Variants in MCPH1 observed in about 807,000 individuals in gnomAD.
The protein encoded by MCPH1 is microcephalin 1, also known as microcephalin.
MCPH1 carries 104 observed loss-of-function variants against 84.5 expected under a neutral mutation model. The observed-to-expected ratio is 1.23, with a 90% CI of 1.05 to 1.45. The LOEUF is 1.45. Ranked by LOEUF, MCPH1 falls within the 40% of genes most tolerant of loss-of-function variation. The pLI is 0.00. For synonymous variants in MCPH1, 514 were observed against 366.8 expected, an observed-to-expected ratio of 1.40 and a Z score of -4.58; for missense variants, 1,498 against 1,005.7, an observed-to-expected ratio of 1.49 and a Z score of -6.62.
intron 12 of MCPH1, among the ~76,000 whole-genome samples, chr8:6,611,490 GAA>G (rs1448427720): frequency 6.6e-6 from 1 of 152,266 alleles, no homozygotes; most frequent in Non-Finnish European, 1.5e-5. Context: ...AACAGCCAGA[GAA>G]GAGATGCACA....
rs550963683 is a variant in MCPH1 at position 6,503,609 on chromosome 8, C to G, written c.2214+3680C>G. Among the ~76,000 whole-genome samples, 3 of 152,318 alleles carry G rather than the reference C, an allele frequency of 2.0e-5. No homozygotes were observed. In the South Asian group the frequency reaches 6.2e-4, roughly 32 times the overall value. ...ATCTGAGGCACAGTTGGAAAACTCT[C>G]CTTCAACCAGGATTACTTTGCAGTC... is the stretch of plus-strand genomic sequence containing the variant. On this transcript the variant is annotated intron_variant, in intron 12 of 13. Transcript: ENST00000344683.
At chr8:6,500,406 T>G (rs1811928145) in intron 12 of MCPH1, 1 of 157,250 alleles carries the variant, frequency 6.4e-6, no homozygotes, top group Admixed American at 6.2e-5. Flanking sequence ...GATTAAGTAA[T>G]AATTAAGTGG....
intron 3 of MCPH1, among the ~76,000 whole-genome samples, chr8:6,426,863 T>C (rs912441257): frequency 2.0e-5 from 3 of 152,218 alleles, no homozygotes; most frequent in Admixed American, 1.3e-4. Context: ...ATCTAATTCA[T>C]ATGCTACACA....
At chr8:6,527,318 T>C (rs1818515214) in intron 12 of MCPH1, among the ~76,000 whole-genome samples, 1 of 152,236 alleles carries the variant, frequency 6.6e-6, no homozygotes, top group Non-Finnish European at 1.5e-5. Flanking sequence ...AGGATTACTC[T>C]AAGAGGATCT....
At chr8:6,460,297 C>G (rs552191145) in intron 9 of MCPH1, among the ~76,000 whole-genome samples, 1 of 151,990 alleles carries the variant, frequency 6.6e-6, no homozygotes, top group Non-Finnish European at 1.5e-5. Context: ...ACCTTTGACT[C>G]TTTTTAAGTC....
intron 12 of MCPH1, among the ~76,000 whole-genome samples, chr8:6,597,315 G>A (rs989244431): frequency 2.6e-5 from 4 of 152,050 alleles, no homozygotes; most frequent in African/African-American, 2.4e-5. Context: ...AAGCCCCAGC[G>A]TTTCCCACCA....
intron 12 of MCPH1, among the ~76,000 whole-genome samples, chr8:6,561,859 A>C (rs535409987): frequency 1.1e-3 from 164 of 152,364 alleles, no homozygotes; most frequent in African/African-American, 3.8e-3. Flanking sequence ...ACTCTAGGAA[A>C]CAGTGGGATC....
intron 12 of MCPH1, among the ~76,000 whole-genome samples, chr8:6,525,542 A>G (rs1586364087): frequency 6.6e-6 from 1 of 152,350 alleles, no homozygotes; most frequent in South Asian, 2.1e-4. Flanking sequence ...AATCTATTCT[A>G]TAAAGAAAGC....
intron 13 of MCPH1, among the ~76,000 whole-genome samples, chr8:6,640,802 TA>T (rs1263822869): frequency 6.6e-6 from 1 of 152,250 alleles, no homozygotes; most frequent in Non-Finnish European, 1.5e-5. Context: ...TTTATAGTTT[TA>T]AAAAATATTT....
intron 12 of MCPH1, among the ~76,000 whole-genome samples, chr8:6,555,704 C>T (rs534027684): frequency 4.6e-5 from 7 of 152,082 alleles, no homozygotes; most frequent in Non-Finnish European, 1.0e-4. Flanking sequence ...CTCAAGCGAC[C>T]CACCCGCTTC....
In MCPH1 at chr8:6,477,594, C is replaced by A. The variant is rs778537115; in HGVS notation, c.1936C>A (p.Pro646Thr). The part of the protein sequence containing the change: ...ELKKSGRGKK[P>T]TRTLVMTSMP... Reference sequence around the variant, plus strand: ...GTTCCTTCTTGTTTGAAATCTCTAGCCAACAAGAACATTAGTCATGACAAG... The same window carrying A: ...GTTCCTTCTTGTTTGAAATCTCTAGACAACAAGAACATTAGTCATGACAAG... The change falls in exon 10 of 14, where the codon CCA (proline) becomes ACA (threonine). Residue 646 changes from proline to threonine, a missense_variant and splice_region_variant. By Grantham distance (38) the Pro-to-Thr change is conservative. Transcript: ENST00000344683. The A allele has an allele frequency of 1.9e-6, 3 of 1,612,388 alleles. No homozygotes were observed. The highest frequency in any genetic ancestry group is 3.3e-5 in the Admixed American group (2 of 60,004).
At chr8:6,417,356 G>A (rs530745249) in intron 3 of MCPH1, among the ~76,000 whole-genome samples, 16 of 151,826 alleles carry the variant, frequency 1.1e-4, no homozygotes, top group Non-Finnish European at 1.5e-4. Flanking sequence ...TGTGAAAGGC[G>A]TAATAGAAAA....
At chr8:6,603,783 G>A (rs186843570) in intron 12 of MCPH1, among the ~76,000 whole-genome samples, 1 of 152,272 alleles carries the variant, frequency 6.6e-6, no homozygotes, top group African/African-American at 2.4e-5. Flanking sequence ...ACTGCCACTT[G>A]CATTCTCTGA....
intron 12 of MCPH1, chr8:6,503,118 G>A (rs759993549): frequency 3.1e-6 from 5 of 1,614,136 alleles, no homozygotes; most frequent in Non-Finnish European, 2.5e-6. Flanking sequence ...TCTGCTGGTC[G>A]GATCATCATG....
At chr8:6,552,335 C>G (rs1473883432) in intron 12 of MCPH1, among the ~76,000 whole-genome samples, 1 of 152,154 alleles carries the variant, frequency 6.6e-6, no homozygotes, top group Non-Finnish European at 1.5e-5. Context: ...CAGTGTGTTG[C>G]CCAATGACAG....
At chr8:6,611,420 C>G (rs774791123) in intron 12 of MCPH1, among the ~76,000 whole-genome samples, 1 of 152,206 alleles carries the variant, frequency 6.6e-6, no homozygotes. Flanking sequence ...TCACAAAACT[C>G]AGAGAAACAC....
At chr8:6,509,800 C>T (rs148540064) in intron 12 of MCPH1, among the ~76,000 whole-genome samples, 220 of 152,208 alleles carry the variant, frequency 1.4e-3, no homozygotes, top group African/African-American at 5.1e-3. Flanking sequence ...TAAATGTGCT[C>T]GGAACACTCA....
chr8:6,480,616 C>G, intron 10 of MCPH1, 98 bp from the exon 11 acceptor site: 1 of 1,413,458 alleles, frequency 7.1e-7, no homozygotes, highest in Non-Finnish European at 1.0e-6. Context: ...CAAATTTTGG[C>G]TTTCTAGTTT....
rs148053711 is a variant in MCPH1 at position 6,482,602 on chromosome 8, T to C, written c.2136+1726T>C. On this transcript the variant is annotated intron_variant, in intron 11 of 13. Transcript: ENST00000344683. ...TGTACAGGATTCCTTACCCAACTTA[T>C]TCTTCTGGGACTTGGAGCAGTCCAT... 1.8e-4 allele frequency among the ~76,000 whole-genome samples: 28 copies of C among 152,378 alleles called. No homozygotes were observed. The East Asian group carries it at 3.3e-3, about 18-fold the overall frequency.
Sources: allele counts gnomAD v4.1 joint callset (sites outside exome capture counted in the v4.1 genomes callset), GRCh38; gene constraint gnomAD v4.1.1; transcripts MANE v1.5; gene names NCBI Gene and HGNC (gene_info 2026-07-23, HGNC 2026-07-21).